The following NDST4 variants were observed in gnomAD, a reference collection of about 807,000 sequenced individuals.
NDST4 encodes the protein N-deacetylase and N-sulfotransferase 4, also known as N-heparan sulfate sulfotransferase 4.
In NDST4, 63 loss-of-function variants were observed where a neutral mutation model predicts 100.8. The ratio of observed to expected loss-of-function variants is 0.62; its 90% CI spans 0.51 to 0.77. The LOEUF is 0.77. NDST4 is among the 30% of genes least tolerant of loss of function. The probability of loss-of-function intolerance (pLI) is 0.00; values close to 1 mark genes in which losing one functional copy is unlikely to be tolerated. For missense variants in NDST4, 943 were observed against 1,018.4 expected (o/e 0.93, Z 1.01); for synonymous variants, 377 against 361.8 (o/e 1.04, Z -0.48).
chr4:114,871,077 G>A (rs1578355574), intron 6 of NDST4, 127 bp from the exon 7 acceptor site: 5 of 563,784 alleles, frequency 8.9e-6, no homozygotes, highest in South Asian at 3.4e-5. Context: ...CTTTTTAAGT[G>A]GAAAGCCACA....
intron 6 of NDST4, among the ~76,000 whole-genome samples, chr4:114,871,734 G>T (rs1352237982): frequency 1.3e-5 from 2 of 151,968 alleles, no homozygotes; most frequent in Non-Finnish European, 2.9e-5. Context: ...CTCATAAAAA[G>T]AGAGTTCATT....
At chr4:114,889,589 G>A (rs954957646) in intron 6 of NDST4, among the ~76,000 whole-genome samples, 26 of 152,168 alleles carry the variant, frequency 1.7e-4, no homozygotes, top group African/African-American at 6.3e-4. Context: ...CAAAGGTGCA[G>A]CAAAGTTGAT....
At chr4:115,005,018 T>C (rs1727382943) in intron 2 of NDST4, among the ~76,000 whole-genome samples, 1 of 152,326 alleles carries the variant, frequency 6.6e-6, no homozygotes, top group Admixed American at 6.5e-5. Flanking sequence ...ACATTGAATT[T>C]AATTATTAAA....
intron 2 of NDST4, among the ~76,000 whole-genome samples, chr4:115,024,875 T>A (rs1727946510): frequency 6.6e-6 from 1 of 152,178 alleles, no homozygotes; most frequent in Non-Finnish European, 1.5e-5. Flanking sequence ...TATTAGGCCA[T>A]CAGGGTTTTT....
intron 6 of NDST4, among the ~76,000 whole-genome samples, chr4:114,881,771 T>A (rs1251533152): frequency 6.6e-6 from 1 of 152,134 alleles, no homozygotes; most frequent in Non-Finnish European, 1.5e-5. Context: ...TGAAATGATT[T>A]CCCATCGTGT....
chr4:114,829,989 C>T, intron 12 of NDST4, 97 bp from the exon 13 acceptor site: 2 of 802,880 alleles, frequency 2.5e-6, no homozygotes, highest in South Asian at 1.6e-5. Context: ...TTTGTATGCC[C>T]ACTGATTTAA....
intron 12 of NDST4, among the ~76,000 whole-genome samples, chr4:114,831,671 A>G (rs1723204544): frequency 1.3e-5 from 2 of 152,186 alleles, no homozygotes. Flanking sequence ...GCACAGCTTA[A>G]TACAATCAGA....
chr4:114,931,778 C>T (rs1725521415), intron 6 of NDST4, among the ~76,000 whole-genome samples: 1 of 151,448 alleles, frequency 6.6e-6, no homozygotes, highest in African/African-American at 2.4e-5. Context: ...ATACAATTTA[C>T]CAAGATTGAG....
At chr4:114,845,188 C>T (rs993676639) in intron 10 of NDST4, among the ~76,000 whole-genome samples, 16 of 151,898 alleles carry the variant, frequency 1.1e-4, no homozygotes, top group East Asian at 5.8e-4. Flanking sequence ...AACAAATAGG[C>T]GGGTGTGGTG....
At chr4:114,929,421 C>T (rs1239225427) in intron 6 of NDST4, among the ~76,000 whole-genome samples, 1 of 152,074 alleles carries the variant, frequency 6.6e-6, no homozygotes, top group Non-Finnish European at 1.5e-5. Flanking sequence ...ACTTCATATT[C>T]CCATATTAGG....
intron 4 of NDST4, among the ~76,000 whole-genome samples, chr4:114,952,389 G>A (rs1043191715): frequency 6.6e-6 from 1 of 151,954 alleles, no homozygotes; most frequent in African/African-American, 2.4e-5. Context: ...TTGGTGGGTG[G>A]GAGGGTCTGC....
chr4:114,890,200 A>C (rs1428046615), intron 6 of NDST4, among the ~76,000 whole-genome samples: 1 of 152,060 alleles, frequency 6.6e-6, no homozygotes, highest in Non-Finnish European at 1.5e-5. Flanking sequence ...CTGTTTTATA[A>C]AGTCTCTTGA....
At chr4:114,912,615 G>C (rs1725084862) in intron 6 of NDST4, among the ~76,000 whole-genome samples, 1 of 152,124 alleles carries the variant, frequency 6.6e-6, no homozygotes, top group African/African-American at 2.4e-5. Flanking sequence ...AGTTTAGCAA[G>C]AACCTTGCCA....
chr4:115,007,138 G>A (rs542450793), intron 2 of NDST4, among the ~76,000 whole-genome samples: 11 of 152,182 alleles, frequency 7.2e-5, no homozygotes, highest in African/African-American at 2.4e-4. Context: ...TAAACTTGTT[G>A]AGCCAGACAC....
At chr4:115,010,820 C>T (rs1269433026) in intron 2 of NDST4, among the ~76,000 whole-genome samples, 2 of 152,076 alleles carry the variant, frequency 1.3e-5, no homozygotes, top group African/African-American at 4.8e-5. Flanking sequence ...AAACACAATT[C>T]AGTTTCTTCT....
At chr4:114,922,046 C>T (rs989904366) in intron 6 of NDST4, among the ~76,000 whole-genome samples, 11 of 152,140 alleles carry the variant, frequency 7.2e-5, no homozygotes, top group Non-Finnish European at 1.3e-4. Flanking sequence ...CCACCACCCC[C>T]CACCGCCTTC....
intron 4 of NDST4, among the ~76,000 whole-genome samples, chr4:114,952,265 C>T (rs1726032726): frequency 6.6e-6 from 1 of 152,018 alleles, no homozygotes; most frequent in Non-Finnish European, 1.5e-5. Context: ...TCAATTATTG[C>T]TGCTTGATAC....
intron 6 of NDST4, among the ~76,000 whole-genome samples, chr4:114,923,618 G>A (rs2126220026): frequency 6.6e-6 from 1 of 151,996 alleles, no homozygotes; most frequent in African/African-American, 2.4e-5. Flanking sequence ...TACAGGGAGT[G>A]TTTTCTTTTC....
chr4:114,912,408 T>A (rs1298706696), intron 6 of NDST4, among the ~76,000 whole-genome samples: 1 of 152,140 alleles, frequency 6.6e-6, no homozygotes, highest in Non-Finnish European at 1.5e-5. Context: ...ACTTCGTAAA[T>A]GTCAAAACCA....
Sources: allele counts gnomAD v4.1 joint callset (sites outside exome capture counted in the v4.1 genomes callset), GRCh38; gene constraint gnomAD v4.1.1; transcripts MANE v1.5; gene names NCBI Gene and HGNC (gene_info 2026-07-23, HGNC 2026-07-21).